ZNF182: variants seen among roughly 807,000 people sequenced by gnomAD.
The protein encoded by ZNF182 is zinc finger protein 182, also known as zinc finger protein 21 (KOX 14).
Under a neutral mutation model 28.1 loss-of-function variants are expected in ZNF182, and 10 were observed. The ratio of observed to expected loss-of-function variants is 0.36; its 90% CI spans 0.22 to 0.60. ZNF182 has a LOEUF of 0.60. Ranked by LOEUF, ZNF182 falls within the 20% of genes least tolerant of loss-of-function variation. ZNF182 has a pLI of 0.75. For synonymous variants in ZNF182, 156 were observed against 158.7 expected (o/e 0.98, Z 0.13); for missense variants, 352 against 453.2 (o/e 0.78, Z 2.03).
chrX:47,999,027 G>A (rs2058969371), intron 3 of ZNF182, among the ~76,000 whole-genome samples: 3 of 111,729 alleles, frequency 2.7e-5, no homozygotes, highest in South Asian at 7.5e-4. Flanking sequence ...ATCAGTGGAT[G>A]AACAGATAAA....
rs782625504 is a variant in ZNF182 at position 47,993,234 on chromosome X, G to T, written c.15+9361C>A. On this transcript the variant is annotated intron_variant, in intron 3 of 5. Transcript: ENST00000376943. ...GTTCAGTGAACACACTGTGTTGGGA[G>T]GGCGGCACACCCAGAGAGGGCACAG... 3.6e-5 allele frequency among the ~76,000 whole-genome samples: 4 copies of T among 112,281 alleles called. No individual in the cohort carries two copies. In the Admixed American group the frequency reaches 3.7e-4, roughly 10 times the overall value.
intron 5 of ZNF182, 43 bp from the exon 6 acceptor site, chrX:47,977,840 T>C: frequency 9.5e-7 from 1 of 1,047,457 alleles, no homozygotes; most frequent in Non-Finnish European, 1.3e-6. Flanking sequence ...TTTGACATTA[T>C]GGAGCGGACC....
At chrX:48,002,425 CTG>C (rs1376997580) in intron 3 of ZNF182, 168 bp downstream of exon 3, 3 of 657,680 alleles carry the variant, frequency 4.6e-6, no homozygotes, top group Non-Finnish European at 7.3e-6. Context: ...CTGTTACACC[CTG>C]AGTCCTGCAC....
chrX:48,002,665 G>A lies in ZNF182; in HGVS notation c.-44-12C>T. 1 of 1,195,387 alleles carries A rather than the reference G, an allele frequency of 8.4e-7. No homozygotes were observed. The highest frequency in any genetic ancestry group is 3.0e-5 in the East Asian group (1 of 33,649). On this transcript the variant is annotated splice_polypyrimidine_tract_variant and intron_variant, in intron 2 of 5. Transcript: ENST00000376943. ...GTGTGACGGCCGAGCTGGAACAAGT[G>A]GAGAAGAGTACAGCAGATGAGGAGA...
intron 4 of ZNF182, 67 bp from the exon 5 acceptor site, chrX:47,983,105 T>C: frequency 4.4e-6 from 5 of 1,128,769 alleles, no homozygotes; most frequent in Non-Finnish European, 6.1e-6. Context: ...AGAAGTTACA[T>C]ATTGGGGGCA....
chrX:47,997,756 C>T (rs1343570066), intron 3 of ZNF182, among the ~76,000 whole-genome samples: 4 of 111,038 alleles, frequency 3.6e-5, no homozygotes, highest in Middle Eastern at 4.6e-3. Flanking sequence ...TGCACCACTA[C>T]GCTCCAGCCT....
chrX:47,987,988 T>C (rs1246187857), intron 3 of ZNF182, among the ~76,000 whole-genome samples: 1 of 111,105 alleles, frequency 9.0e-6, no homozygotes, highest in Non-Finnish European at 1.9e-5. Context: ...AGGACTGATA[T>C]AGTTTGGCTA....
At position 47,982,997 on chromosome X, in the gene ZNF182, C is replaced by T; in HGVS notation, c.184G>A (p.Val62Ile). ...TKPNLILKLE[V>I]EECPAEGKIP... ...TTTCCTTCTGCCGGGCATTCTTCTA[C>T]CTCCAACTTGAGGATGAGGTTTGGT... The change falls in exon 5 of 6, where the codon GTA becomes ATA. Residue 62 changes from valine (V) to isoleucine (I), a missense_variant. Coordinates refer to ENST00000376943, the MANE Select transcript of ZNF182 (RefSeq NM_001007088.2). 8.3e-7 allele frequency: 1 copy of T among 1,211,539 alleles called. No individual in the cohort carries two copies. Among genetic ancestry groups the T allele is most frequent in the Non-Finnish European group, 1.1e-6 (1 of 895,400 alleles).
At chrX:47,979,026 T>C (rs1393841209) in intron 5 of ZNF182, among the ~76,000 whole-genome samples, 3 of 112,471 alleles carry the variant, frequency 2.7e-5, no homozygotes, top group Non-Finnish European at 5.6e-5. Context: ...TAATAAGATA[T>C]GGCAAGTACT....
chrX:47,994,427 G>A (rs1395877149), intron 3 of ZNF182, among the ~76,000 whole-genome samples: 1 of 111,463 alleles, frequency 9.0e-6, no homozygotes, highest in South Asian at 3.7e-4. Context: ...CTAACACAAG[G>A]GAAGTGATAA....
At chrX:47,998,284 G>C (rs782767343) in intron 3 of ZNF182, among the ~76,000 whole-genome samples, 8 of 109,927 alleles carry the variant, frequency 7.3e-5, no homozygotes, top group Non-Finnish European at 1.3e-4. Flanking sequence ...AATGCACATG[G>C]AACATTCACC....
intron 3 of ZNF182, among the ~76,000 whole-genome samples, chrX:48,001,956 C>A: frequency 9.0e-6 from 1 of 111,197 alleles, no homozygotes; most frequent in Non-Finnish European, 1.9e-5. Flanking sequence ...TAACAAAAAT[C>A]AATTTCACTG....
chrX:47,990,178 A>G (rs1215488366), intron 3 of ZNF182, among the ~76,000 whole-genome samples: 1 of 111,205 alleles, frequency 9.0e-6, no homozygotes, highest in Non-Finnish European at 1.9e-5. Context: ...GTTGATATCT[A>G]CAATATCAAT....
At chrX:47,982,766 G>A (rs1487300692) in intron 5 of ZNF182, among the ~76,000 whole-genome samples, 183 bp downstream of exon 5, 1 of 111,448 alleles carries the variant, frequency 9.0e-6, no homozygotes, top group Non-Finnish European at 1.9e-5. Flanking sequence ...GAGTGGCCTG[G>A]TGTATGGGGG....
At chrX:47,994,273 A>AG (rs781976417) in intron 3 of ZNF182, among the ~76,000 whole-genome samples, 1 of 112,698 alleles carries the variant, frequency 8.9e-6, no homozygotes, top group East Asian at 2.8e-4. Context: ...GCTAACAAAA[A>AG]GGGACTGTCT....
intron 5 of ZNF182, among the ~76,000 whole-genome samples, chrX:47,980,629 G>A (rs2058902316): frequency 9.0e-6 from 1 of 111,370 alleles, no homozygotes; most frequent in African/African-American, 3.3e-5. Context: ...TGCATAGTAG[G>A]AAATGAATAA....
chrX:48,002,732 TC>T, intron 2 of ZNF182, 79 bp from the exon 3 acceptor site: 3 of 834,999 alleles, frequency 3.6e-6, no homozygotes, highest in Non-Finnish European at 5.2e-6. Context: ...TGCCTAGCAA[TC>T]CCCTCACATC....
chrX:47,991,180 C>T (rs2058940277), intron 3 of ZNF182, among the ~76,000 whole-genome samples: 1 of 111,026 alleles, frequency 9.0e-6, no homozygotes, highest in Non-Finnish European at 1.9e-5. Flanking sequence ...GGACTGGTGT[C>T]CTTATAAGAA....
At chrX:47,996,274 A>C (rs1407145050) in intron 3 of ZNF182, among the ~76,000 whole-genome samples, 1 of 111,675 alleles carries the variant, frequency 9.0e-6, no homozygotes, top group Non-Finnish European at 1.9e-5. Flanking sequence ...CACTCCATTT[A>C]AAGAGGTAAA....
Sources: allele counts gnomAD v4.1 joint callset (sites outside exome capture counted in the v4.1 genomes callset), GRCh38; gene constraint gnomAD v4.1.1; transcripts MANE v1.5; gene names NCBI Gene and HGNC (gene_info 2026-07-23, HGNC 2026-07-21).